The following MBD5 variants were observed in gnomAD, a reference collection of about 807,000 sequenced individuals.
The protein encoded by MBD5 is methyl-CpG-binding domain protein 5.
A neutral mutation model predicts 117.3 loss-of-function variants in MBD5; 13 were observed. The ratio of observed to expected loss-of-function variants is 0.11; its 90% confidence interval spans 0.07 to 0.18. MBD5 has a LOEUF of 0.18. MBD5 is among the 10% of genes least tolerant of loss of function. MBD5 has a pLI of 1.00. For synonymous variants in MBD5, 727 were observed against 766.4 expected, an observed-to-expected ratio of 0.95 and a Z score of 0.85; for missense variants, 1,879 against 2,093.8, an observed-to-expected ratio of 0.90 and a Z score of 2.00.
At chr2:148,398,191 A>G (rs1308066819) in intron 4 of MBD5, among the ~76,000 whole-genome samples, 1 of 152,140 alleles carries the variant, frequency 6.6e-6, no homozygotes, top group Non-Finnish European at 1.5e-5. Context: ...GCTGGGTCAA[A>G]TGGTATTTCT....
chr2:148,070,057 G>A (rs752258705), intron 1 of MBD5, among the ~76,000 whole-genome samples: 1 of 152,090 alleles, frequency 6.6e-6, no homozygotes, highest in Non-Finnish European at 1.5e-5. Flanking sequence ...CCAGCTGTAT[G>A]TTAAGGCCCA....
chr2:148,331,521 T>C (rs1198843571), intron 3 of MBD5, among the ~76,000 whole-genome samples: 1 of 152,194 alleles, frequency 6.6e-6, no homozygotes, highest in African/African-American at 2.4e-5. Flanking sequence ...TGTATTTAGA[T>C]ATTGAGTATT....
intron 1 of MBD5, among the ~76,000 whole-genome samples, chr2:148,174,222 A>G (rs1698328900): frequency 6.6e-6 from 1 of 152,224 alleles, no homozygotes; most frequent in Non-Finnish European, 1.5e-5. Context: ...CTCTTTAATA[A>G]ATGATGTTGG....
At chr2:148,301,712 C>CTA (rs1701778713) in intron 3 of MBD5, among the ~76,000 whole-genome samples, 1 of 152,144 alleles carries the variant, frequency 6.6e-6, no homozygotes, top group Admixed American at 6.5e-5. Flanking sequence ...TTGGGAGGGG[C>CTA]TATATGCATA....
chr2:148,049,004 AATTT>A (rs1694620775), intron 1 of MBD5, among the ~76,000 whole-genome samples: 1 of 152,130 alleles, frequency 6.6e-6, no homozygotes. Context: ...AAAGAAATAG[AATTT>A]CATTAGTGAT....
At chr2:148,189,276 G>T (rs1374803942) in intron 2 of MBD5, among the ~76,000 whole-genome samples, 1 of 149,770 alleles carries the variant, frequency 6.7e-6, no homozygotes. Context: ...AGGCCTGCCT[G>T]CCTCTGTAGG....
At chr2:148,356,887 C>CTCTTTTCTTT (rs58950814) in intron 4 of MBD5, among the ~76,000 whole-genome samples, 21 of 150,982 alleles carry the variant, frequency 1.4e-4, no homozygotes, top group Non-Finnish European at 1.9e-4. Flanking sequence ...CACATTTTTT[C>CTCTTTTCTTT]TCTTTTCTTT....
chr2:148,234,065 G>C (rs1428413024), intron 3 of MBD5, among the ~76,000 whole-genome samples: 1 of 151,972 alleles, frequency 6.6e-6, no homozygotes, highest in Non-Finnish European at 1.5e-5. Context: ...TAAAAGAAAA[G>C]CTTGCTTGGA....
At chr2:148,325,283 G>A (rs1281856177) in intron 3 of MBD5, among the ~76,000 whole-genome samples, 1 of 152,122 alleles carries the variant, frequency 6.6e-6, no homozygotes, top group African/African-American at 2.4e-5. Context: ...CAAAGATATT[G>A]GTCTAAAATT....
At chr2:148,482,172 A>G (rs1458449638) in intron 8 of MBD5, among the ~76,000 whole-genome samples, 4 of 152,300 alleles carry the variant, frequency 2.6e-5, no homozygotes, top group South Asian at 4.1e-4. Context: ...CTTCTAAAAT[A>G]TGTAAACCCT....
rs549148467 is a variant in MBD5 at position 148,135,780 on chromosome 2, G to A, written c.-924-42920G>A. 8.5e-5 allele frequency among the ~76,000 whole-genome samples: 13 copies of A among 152,248 alleles called. No individual in the cohort carries two copies. The South Asian group carries it at 1.2e-3, about 15-fold the overall frequency. ...TTATTTTTGGTTAAAGTTATCTTTA[G>A]GGATATAGAGCAACTCTGACCATCT... On this transcript the variant is annotated intron_variant, in intron 1 of 13. Transcript: ENST00000642680.
intron 13 of MBD5, among the ~76,000 whole-genome samples, chr2:148,511,032 G>A (rs140085755): frequency 1.2e-3 from 181 of 152,250 alleles, no homozygotes; most frequent in African/African-American, 4.0e-3. Context: ...CAATCTAGAG[G>A]CTCAGCACAG....
intron 1 of MBD5, among the ~76,000 whole-genome samples, chr2:148,102,723 CACACACAG>C (rs775020887): frequency 7.4e-3 from 516 of 69,968 alleles, no homozygotes; most frequent in East Asian, 0.021. Flanking sequence ...CACACACACA[CACACACAG>C]AGAGAGAGAG....
intron 4 of MBD5, among the ~76,000 whole-genome samples, chr2:148,345,552 CAT>C (rs2105186807): frequency 1.1e-5 from 1 of 92,892 alleles, no homozygotes; most frequent in South Asian, 3.5e-4. Flanking sequence ...TATACACATA[CAT>C]ATGTATATAC....
chr2:148,489,865 A>G lies in MBD5; in HGVS notation c.4233A>G (p.Glu1411=). 1.2e-6 allele frequency: 2 copies of G among 1,614,150 alleles called. No individual in the cohort carries two copies. The highest frequency in any genetic ancestry group is 1.7e-6 in the Non-Finnish European group (2 of 1,180,012). The change falls in exon 11 of 14, where the codon GAA becomes GAG. Residue 1411 remains glutamate, a synonymous_variant. Transcript: ENST00000642680. ...KNLDHGKNVN[E]GDGFEYFKSA... Reference sequence around the variant, plus strand: ...TAGACCATGGGAAAAATGTGAACGAAGGAGATGGGTTTGAATATTTCAAGT... The same window carrying G: ...TAGACCATGGGAAAAATGTGAACGAGGGAGATGGGTTTGAATATTTCAAGT...
At chr2:148,328,504 G>C (rs369735387) in intron 3 of MBD5, among the ~76,000 whole-genome samples, 2 of 152,106 alleles carry the variant, frequency 1.3e-5, no homozygotes, top group African/African-American at 2.4e-5. Context: ...CTCTGTGGGC[G>C]TAGGACCCTC....
At chr2:148,229,024 T>C (rs901686419) in intron 2 of MBD5, among the ~76,000 whole-genome samples, 1 of 152,068 alleles carries the variant, frequency 6.6e-6, no homozygotes, top group Non-Finnish European at 1.5e-5. Flanking sequence ...GTCTTGCTAG[T>C]GGTCTATCAA....
At chr2:148,204,229 A>G (rs1163592958) in intron 2 of MBD5, among the ~76,000 whole-genome samples, 1 of 152,178 alleles carries the variant, frequency 6.6e-6, no homozygotes, top group Non-Finnish European at 1.5e-5. Flanking sequence ...TATTTCAAAT[A>G]TGAAATTGGA....
chr2:148,280,131 C>CAAAAAAAAAAAAAAAAAAAAAAAAA (rs3076398), intron 3 of MBD5, among the ~76,000 whole-genome samples: 2 of 91,882 alleles, frequency 2.2e-5, no homozygotes, highest in East Asian at 3.4e-4. Context: ...AAACTAACTG[C>CAAAAAAAAAAAAAAAAAAAAAAAAA]AAAAAAAAAA....
Sources: gnomAD v4.1 joint callset for allele counts (sites outside exome capture counted in the v4.1 genomes callset) on GRCh38, gnomAD v4.1.1 for gene constraint, MANE v1.5 for transcripts, NCBI Gene and HGNC (gene_info 2026-07-23, HGNC 2026-07-21) for gene names.